The following SPON1 variants were observed in gnomAD, a reference collection of about 807,000 sequenced individuals.
The protein encoded by SPON1 is spondin 1, also known as spondin-1.
Under a neutral mutation model 111.7 loss-of-function variants are expected in SPON1, and 52 were observed. The ratio of observed to expected loss-of-function variants is 0.47; its 90% confidence interval spans 0.37 to 0.59. The LOEUF is 0.59. Ranked by LOEUF, SPON1 falls within the 20% of genes least tolerant of loss-of-function variation. The pLI, the probability that SPON1 is intolerant of heterozygous loss-of-function variation, is 0.00. For synonymous variants in SPON1, 410 were observed against 395.8 expected, an observed-to-expected ratio of 1.04 and a Z score of -0.43; for missense variants, 957 against 1,068.5, an observed-to-expected ratio of 0.90 and a Z score of 1.46.
At chr11:14,262,594 A>AGCAT in intron 14 of SPON1, 118 bp from the exon 15 acceptor site, 1 of 1,321,866 alleles carries the variant, frequency 7.6e-7, no homozygotes, top group Non-Finnish European at 1.0e-6. Flanking sequence ...TCTGTAAAAT[A>AGCAT]GCATGACACA....
intron 6 of SPON1, among the ~76,000 whole-genome samples, chr11:14,155,968 A>T (rs1334404254): frequency 7.6e-6 from 1 of 131,834 alleles, no homozygotes; most frequent in Non-Finnish European, 1.7e-5. Flanking sequence ...ATACATGTGC[A>T]TGTGTCTTTA....
chr11:14,039,504 C>T (rs1317257715), intron 2 of SPON1, among the ~76,000 whole-genome samples: 1 of 151,812 alleles, frequency 6.6e-6, no homozygotes, highest in Non-Finnish European at 1.5e-5. Context: ...TGCTGTGAAC[C>T]TAAAAGTGCT....
intron 3 of SPON1, among the ~76,000 whole-genome samples, chr11:14,045,629 T>A (rs1268760759): frequency 6.7e-6 from 1 of 148,264 alleles, no homozygotes; most frequent in Non-Finnish European, 1.5e-5. Flanking sequence ...TTAATATATA[T>A]ATTATATTTA....
chr11:14,259,356 C>G lies in SPON1; in HGVS notation c.1569C>G (p.Ser523=), dbSNP rs1554941625. 6.2e-7 allele frequency: 1 copy of G among 1,611,828 alleles called. No homozygotes were observed. ...TCTCCTGCGGCATGGGCATGAGGTC[C>G]CGGGAGAGGTATGTGAAGCAGTTCC... is the stretch of plus-strand genomic sequence containing the variant. The part of the protein sequence containing the change: ...CSISCGMGMR[S]RERYVKQFPE... The change falls in exon 12 of 16, where the codon TCC becomes TCG. Residue 523 remains serine, a synonymous_variant. Transcript: ENST00000576479. This position sits in a 1 kb window ranked among gnomAD's most constrained non-coding sequence, Gnocchi z 5.0.
chr11:14,119,088 T>A (rs1849285734), intron 5 of SPON1, among the ~76,000 whole-genome samples: 2 of 152,290 alleles, frequency 1.3e-5, no homozygotes, highest in South Asian at 4.2e-4. Context: ...ATTATGCTTA[T>A]GGAAACAGGA....
rs148155011 is a variant in SPON1 at position 13,976,408 on chromosome 11, G to C, written c.239-6439G>C. On this transcript the variant is annotated intron_variant, in intron 1 of 15. Coordinates refer to ENST00000576479, the MANE Select transcript of SPON1 (RefSeq NM_006108.4). ...ACCTTTCAGAAGGAAGTTGTATAATGAGGTTCTCTGGAAAGATAGAGTCTC... is the reference window on the plus strand; with the variant it reads ...ACCTTTCAGAAGGAAGTTGTATAATCAGGTTCTCTGGAAAGATAGAGTCTC... Among the ~76,000 whole-genome samples, 775 of 152,318 alleles carry C rather than the reference G, an allele frequency of 5.1e-3. 7 individuals carry two copies. The highest frequency in any genetic ancestry group is 6.8e-3 in the Middle Eastern group (2 of 294).
At chr11:14,123,507 A>G (rs1157848329) in intron 5 of SPON1, among the ~76,000 whole-genome samples, 1 of 152,146 alleles carries the variant, frequency 6.6e-6, no homozygotes, top group Admixed American at 6.5e-5. Context: ...ATGGATGGGT[A>G]GATATTTTAT....
intron 6 of SPON1, among the ~76,000 whole-genome samples, chr11:14,186,559 C>T (rs138174909): frequency 6.6e-6 from 1 of 152,242 alleles, no homozygotes; most frequent in African/African-American, 2.4e-5. Flanking sequence ...TTAACCATGC[C>T]CTACATAATT....
Position 14,255,910 on chromosome 11 carries a change from C to G in SPON1, c.1233+123C>G, listed in dbSNP as rs112721135. ...GAAAGCACCTCAGGATATGGAATTC[C>G]TGGGCCTCCCCAGGTTTCTAACATG... On this transcript the variant is annotated intron_variant, in intron 9 of 15. Transcript: ENST00000576479. 377 of 1,055,220 alleles carry G rather than the reference C, an allele frequency of 3.6e-4. 2 individuals carry two copies. Among genetic ancestry groups the G allele is most frequent in the East Asian group, 1.9e-3 (69 of 36,710 alleles). 65.4% of individuals were successfully genotyped at this position (1,055,220 alleles called of 1,614,324 possible).
At chr11:14,212,740 G>A (rs1554936842) in intron 6 of SPON1, among the ~76,000 whole-genome samples, 1 of 152,110 alleles carries the variant, frequency 6.6e-6, no homozygotes, top group East Asian at 1.9e-4. Context: ...CTTTTTTGCT[G>A]TTCTTTAATT....
chr11:14,028,236 C>T (rs1488732172), intron 2 of SPON1, among the ~76,000 whole-genome samples: 5 of 152,090 alleles, frequency 3.3e-5, no homozygotes, highest in African/African-American at 9.7e-5. Flanking sequence ...AATCTCAGCT[C>T]TTTGGGAGGC....
chr11:14,134,730 C>T (rs1404906628), intron 5 of SPON1, among the ~76,000 whole-genome samples: 5 of 152,222 alleles, frequency 3.3e-5, no homozygotes, highest in Admixed American at 3.3e-4. Context: ...ATTCTTCACA[C>T]TGCTGTCTGG....
At chr11:14,171,847 G>A (rs1848105476) in intron 6 of SPON1, among the ~76,000 whole-genome samples, 1 of 152,210 alleles carries the variant, frequency 6.6e-6, no homozygotes, top group East Asian at 1.9e-4. Flanking sequence ...TTGCACTGTG[G>A]TCTGAGAGAC....
rs188579245 is a variant in SPON1 at position 14,085,760 on chromosome 11, T to C, written c.676+5739T>C. Among the ~76,000 whole-genome samples, 3 of 152,358 alleles carry C rather than the reference T, an allele frequency of 2.0e-5. No homozygotes were observed. In the East Asian group the frequency reaches 5.8e-4, roughly 29 times the overall value. On this transcript the variant is annotated intron_variant, in intron 5 of 15. Transcript: ENST00000576479. ...GGGCAGTATGGCCATTTTCACAATA[T>C]TAATTCTTCCTATCCATGAGCATGG...
intron 6 of SPON1, among the ~76,000 whole-genome samples, chr11:14,144,326 A>C (rs1174014672): frequency 6.6e-6 from 1 of 152,098 alleles, no homozygotes; most frequent in Non-Finnish European, 1.5e-5. Context: ...AGGGAGAAAG[A>C]AAGATCCAAA....
At chr11:14,134,127 A>G (rs7480431) in intron 5 of SPON1, among the ~76,000 whole-genome samples, 61,270 of 151,002 alleles carry the variant, frequency 0.41, 12,593 homozygotes, top group East Asian at 0.51. Flanking sequence ...GGGCCACAGG[A>G]TGGGAAACTG....
rs1591433707 is a variant in SPON1, at chr11:14,267,423, TTTAA to T, written c.*1740_*1743del. 1 of 146,500 alleles carries T rather than the reference TTTAA, an allele frequency of 6.8e-6. No homozygotes were observed. 9.1% of individuals were successfully genotyped at this position (146,500 alleles called of 1,614,324 possible). A position where few individuals can be genotyped will look rare whatever the true frequency, so the allele number is the denominator to read the frequency against. ...AAGCACAATATAAAGAAACACAAGA[TTTAA>T]TTATTTTTCTACTTGGGGGGAAAAA... On this transcript the variant is annotated 3_prime_UTR_variant, in exon 16 of 16. Coordinates refer to ENST00000576479, the MANE Select transcript of SPON1 (RefSeq NM_006108.4).
chr11:14,091,831 G>A (rs1849061263), intron 5 of SPON1, among the ~76,000 whole-genome samples: 1 of 152,220 alleles, frequency 6.6e-6, no homozygotes, highest in Non-Finnish European at 1.5e-5. Context: ...AGGAGCCCAG[G>A]CAGGGGAGGT....
chr11:14,092,644 G>A (rs1390754609), intron 5 of SPON1, among the ~76,000 whole-genome samples: 2 of 152,136 alleles, frequency 1.3e-5, no homozygotes, highest in African/African-American at 4.8e-5. Context: ...TAGATAAGAA[G>A]GGAGGCAGGG....
Sources: allele counts gnomAD v4.1 joint callset (sites outside exome capture counted in the v4.1 genomes callset), GRCh38; gene constraint gnomAD v4.1.1; non-coding constraint Gnocchi (gnomAD v3.1); transcripts MANE v1.5; gene names NCBI Gene and HGNC (gene_info 2026-07-23, HGNC 2026-07-21).